The following RFTN1 variants were observed in gnomAD, a reference collection of about 807,000 sequenced individuals.
RFTN1 encodes the protein raftlin, lipid raft linker 1.
In RFTN1, 26 loss-of-function variants were observed where a neutral mutation model predicts 46.5. The ratio of observed to expected loss-of-function variants is 0.56; its 90% CI spans 0.41 to 0.78. RFTN1 has a LOEUF of 0.78. Among genes scored for constraint, RFTN1 ranks in the 30% least tolerant of loss-of-function variants. The probability of loss-of-function intolerance (pLI) is 0.00; values close to 1 mark genes in which losing one functional copy is unlikely to be tolerated. For synonymous variants in RFTN1, 261 were observed against 284.2 expected (o/e 0.92, Z 0.82); for missense variants, 693 against 718.7 (o/e 0.96, Z 0.41).
intron 4 of RFTN1, among the ~76,000 whole-genome samples, chr3:16,403,308 C>A (rs561761860): frequency 1.3e-5 from 2 of 151,836 alleles, no homozygotes; most frequent in Admixed American, 6.6e-5. Context: ...CTCAGTCCTG[C>A]CATGCACAGT....
rs112524441 is a variant in RFTN1 at position 16,442,864 on chromosome 3, A to G, written c.146-8827T>C. Among the ~76,000 whole-genome samples the G allele has an allele frequency of 4.8e-3, 728 of 152,342 alleles. 4 individuals carry two copies. The highest frequency in any genetic ancestry group is 0.017 in the African/African-American group (694 of 41,580). Reference sequence around the variant, plus strand: ...CTTCTGTGTCTGGCTTATTTCACTTAGCAGAATGTCCTCTAGATTCAGCCA... The same window carrying G: ...CTTCTGTGTCTGGCTTATTTCACTTGGCAGAATGTCCTCTAGATTCAGCCA... On this transcript the variant is annotated intron_variant, in intron 2 of 9. Coordinates refer to ENST00000334133, the MANE Select transcript of RFTN1 (RefSeq NM_015150.2). This position sits in a 1 kb window ranked among gnomAD's most constrained non-coding sequence, Gnocchi z 4.1.
chr3:16,406,843 AAC>A (rs1481872048), intron 4 of RFTN1, among the ~76,000 whole-genome samples: 12 of 152,348 alleles, frequency 7.9e-5, no homozygotes, highest in African/African-American at 2.9e-4. Context: ...GACTTATACA[AAC>A]ACAGAATGAG....
At chr3:16,476,086 G>A (rs1333350412) in intron 2 of RFTN1, among the ~76,000 whole-genome samples, 1 of 152,188 alleles carries the variant, frequency 6.6e-6, no homozygotes, top group East Asian at 1.9e-4. Flanking sequence ...TCATTTAGTT[G>A]CCATCTTTCT....
At chr3:16,378,168 C>T (rs776036353) in intron 4 of RFTN1, 66 bp from the exon 5 acceptor site, 26 of 1,396,976 alleles carry the variant, frequency 1.9e-5, no homozygotes, top group Non-Finnish European at 2.6e-5. Context: ...ACACGTGCAG[C>T]GTGCAAAGCG....
rs2075937133 is a variant in RFTN1 at position 16,457,768 on chromosome 3, G to A, written c.146-23731C>T. Among the ~76,000 whole-genome samples the A allele has an allele frequency of 1.3e-5, 2 of 152,112 alleles. No homozygotes were observed. Among genetic ancestry groups the A allele is most frequent in the Non-Finnish European group, 2.9e-5 (2 of 68,030 alleles). On this transcript the variant is annotated intron_variant, in intron 2 of 9. Transcript: ENST00000334133. This position sits in a 1 kb window ranked among gnomAD's most constrained non-coding sequence, Gnocchi z 4.2. ...CATTAAGACTTAATTCGATAGACAT[G>A]GCTGTGGTCTGAATGTGTCTCCCCC... is the stretch of plus-strand genomic sequence containing the variant.
rs748902898 is a variant in RFTN1 at position 16,358,037 on chromosome 3, A to G, written c.1041T>C (p.His347=). 1.0e-6 allele frequency: 1 copy of G among 962,690 alleles called. No individual in the cohort carries two copies. Among genetic ancestry groups the G allele is most frequent in the Non-Finnish European group, 1.6e-6 (1 of 641,660 alleles). 59.6% of individuals were successfully genotyped at this position (962,690 alleles called of 1,614,324 possible). ...FYLGIVNDSL[H]GLTDGVFIFE... The stretch of plus-strand genomic sequence containing the variant: ...AGATGAATACTCCATCTGTCAAGCC[A>G]TGTAAGGAATCTGTGGAAAAAGAAA... Residue 347 remains histidine, a synonymous_variant, in exon 7 of 10, where the codon CAT becomes CAC. Transcript: ENST00000334133.
At chr3:16,405,069 A>G (rs2074819686) in intron 4 of RFTN1, among the ~76,000 whole-genome samples, 1 of 152,126 alleles carries the variant, frequency 6.6e-6, no homozygotes, top group East Asian at 1.9e-4. Flanking sequence ...TCATGAATGA[A>G]CAGCAATTTG....
In RFTN1 at chr3:16,345,044, G is replaced by C. The variant is rs923872641; in HGVS notation, c.1146+12888C>G. 5 of 152,206 alleles carry C rather than the reference G, an allele frequency of 3.3e-5. No homozygotes were observed. Among genetic ancestry groups the C allele is most frequent in the Admixed American group, 1.3e-4 (2 of 15,278 alleles). 9.4% of individuals were successfully genotyped at this position (152,206 alleles called of 1,614,324 possible). On this transcript the variant is annotated intron_variant, in intron 7 of 9. Coordinates refer to ENST00000334133, the MANE Select transcript of RFTN1 (RefSeq NM_015150.2). This position sits in a 1 kb window ranked among gnomAD's most constrained non-coding sequence, Gnocchi z 5.2. ...CCCCAGGAGCAAGGACCAGCTCCTG[G>C]ATAACTGCCTGCAAGAAAACAAGGA...
intron 7 of RFTN1, among the ~76,000 whole-genome samples, chr3:16,355,173 G>GC (rs766240601): frequency 3.3e-5 from 5 of 152,168 alleles, no homozygotes; most frequent in Non-Finnish European, 7.3e-5. Flanking sequence ...GCTCTTTCTA[G>GC]CCTGTATGTC....
intron 1 of RFTN1, among the ~76,000 whole-genome samples, chr3:16,510,889 A>G (rs2125018189): frequency 6.6e-6 from 1 of 152,390 alleles, no homozygotes; most frequent in Admixed American, 6.5e-5. Flanking sequence ...GAAAGAAACT[A>G]AAATAATCCA....
In RFTN1 at chr3:16,320,406, C is replaced by G. The variant is rs187960306; in HGVS notation, c.1332+2970G>C. Among the ~76,000 whole-genome samples the G allele has an allele frequency of 6.6e-6, 1 of 152,208 alleles. No homozygotes were observed. Among genetic ancestry groups the G allele is most frequent in the African/African-American group, 2.4e-5 (1 of 41,444 alleles). On this transcript the variant is annotated intron_variant, in intron 9 of 9. Coordinates refer to ENST00000334133, the MANE Select transcript of RFTN1 (RefSeq NM_015150.2). The surrounding 1 kb of genome is among the most constrained non-coding windows in gnomAD (Gnocchi z 4.5). ...TTCTTAAGTTTTAATGCTAGACATA[C>G]TATGTGTGTCCTCGCTAAGAAGCTG...
chr3:16,484,422 A>G lies in RFTN1; in HGVS notation c.145+9303T>C, dbSNP rs1438738831. Among the ~76,000 whole-genome samples the G allele has an allele frequency of 6.6e-6, 1 of 152,226 alleles. No homozygotes were observed. The highest frequency in any genetic ancestry group is 2.4e-5 in the African/African-American group (1 of 41,472). ...AAATTTATATACAGAGTTTAAGGCT[A>G]GAATGCTGGTGGCCGAAAGCCAAGT... On this transcript the variant is annotated intron_variant, in intron 2 of 9. Transcript: ENST00000334133. The surrounding 1 kb of genome is among the most constrained non-coding windows in gnomAD (Gnocchi z 4.6).
chr3:16,369,973 A>G, intron 6 of RFTN1, 103 bp downstream of exon 6: 1 of 1,090,948 alleles, frequency 9.2e-7, no homozygotes, highest in Non-Finnish European at 1.4e-6. Flanking sequence ...TATCGGCTGC[A>G]GAGCTTTCTG....
chr3:16,333,747 A>G (rs2070559816), intron 7 of RFTN1, among the ~76,000 whole-genome samples: 1 of 152,248 alleles, frequency 6.6e-6, no homozygotes, highest in Non-Finnish European at 1.5e-5. Flanking sequence ...GCTTGTAAAA[A>G]TTGAAAAGAA....
In RFTN1 at chr3:16,466,692, C is replaced by T. The variant is rs543739426; in HGVS notation, c.145+27033G>A. ...CCTGCGAATTTCAAAATCATACCTC[C>T]TGTCTGCCAAACAAGACTGCCAGCT... is the stretch of plus-strand genomic sequence containing the variant. On this transcript the variant is annotated intron_variant, in intron 2 of 9. Coordinates refer to ENST00000334133, the MANE Select transcript of RFTN1 (RefSeq NM_015150.2). This position sits in a 1 kb window ranked among gnomAD's most constrained non-coding sequence, Gnocchi z 5.6. 3.3e-5 allele frequency among the ~76,000 whole-genome samples: 5 copies of T among 152,320 alleles called. No individual in the cohort carries two copies. In the South Asian group the frequency reaches 1.0e-3, roughly 32 times the overall value.
rs756606239 is a variant in RFTN1 at position 16,377,718 on chromosome 3, T to A, written c.826A>T (p.Lys276Ter). 1.9e-6 allele frequency: 3 copies of A among 1,584,216 alleles called. No homozygotes were observed. Among genetic ancestry groups the A allele is most frequent in the Non-Finnish European group, 2.6e-6 (3 of 1,159,150 alleles). The change falls in exon 5 of 10, where the codon AAA becomes TAA. Residue 276 changes from lysine (K) to a stop codon, truncating the protein, a stop_gained and splice_region_variant. Transcript: ENST00000334133. LOFTEE classifies it high-confidence loss of function. Reference sequence around the variant, plus strand: ...AAACTCCCATTGCTGACATACTTACTCCCTGAGAGTGGCTCTTCATGCACC... The same window carrying A: ...AAACTCCCATTGCTGACATACTTACACCCTGAGAGTGGCTCTTCATGCACC... ...LEVHEEPLSG[K>*]MEIFTLFNKP... is the part of the protein sequence containing the mutation.
At chr3:16,366,518 G>C (rs2073184585) in intron 6 of RFTN1, among the ~76,000 whole-genome samples, 1 of 152,110 alleles carries the variant, frequency 6.6e-6, no homozygotes. Flanking sequence ...GTCCCACCGG[G>C]AGAGCCGCCA....
chr3:16,505,211 C>T (rs1215853639), intron 1 of RFTN1, among the ~76,000 whole-genome samples: 2 of 152,196 alleles, frequency 1.3e-5, no homozygotes, highest in Admixed American at 6.5e-5. Flanking sequence ...AGTCCTCAGC[C>T]TCAATCTCCC....
In RFTN1 at chr3:16,425,563, C is replaced by A. The variant is rs1357694759; in HGVS notation, c.332+8288G>T. Among the ~76,000 whole-genome samples, 1 of 152,084 alleles carries A rather than the reference C, an allele frequency of 6.6e-6. No individual in the cohort carries two copies. Among genetic ancestry groups the A allele is most frequent in the Non-Finnish European group, 1.5e-5 (1 of 68,020 alleles). On this transcript the variant is annotated intron_variant, in intron 3 of 9. Coordinates refer to ENST00000334133, the MANE Select transcript of RFTN1 (RefSeq NM_015150.2). The surrounding 1 kb of genome is among the most constrained non-coding windows in gnomAD (Gnocchi z 4.3). ...GAGTGGGGAAAATGAGCTCTCACAC[C>A]AACCATGCACGTCTCCTTCTTGTTC...
Sources: allele counts gnomAD v4.1 joint callset (sites outside exome capture counted in the v4.1 genomes callset), GRCh38; gene constraint gnomAD v4.1.1; non-coding constraint Gnocchi (gnomAD v3.1); transcripts MANE v1.5; gene names NCBI Gene and HGNC (gene_info 2026-07-23, HGNC 2026-07-21).